PCK1: variants seen among roughly 807,000 people sequenced by gnomAD.
PCK1 encodes phosphoenolpyruvate carboxykinase, cytosolic [GTP].
Under a neutral mutation model 50.3 loss-of-function variants are expected in PCK1, and 44 were observed. The ratio of observed to expected loss-of-function variants is 0.87; its 90% CI spans 0.69 to 1.12. The LOEUF (loss-of-function observed/expected upper bound fraction) is 1.12, where lower values mean the gene tolerates loss of function less well. Ranked by LOEUF, PCK1 falls within the 50% of genes most tolerant of loss-of-function variation. The pLI is 0.00. For synonymous variants in PCK1, 332 were observed against 314.3 expected (o/e 1.06, Z -0.59); for missense variants, 790 against 815.0 (o/e 0.97, Z 0.37).
intron 6 of PCK1, 61 bp from the exon 7 acceptor site, chr20:57,564,106 TAA>T (rs1196008303): frequency 3.9e-6 from 4 of 1,030,704 alleles, no homozygotes; most frequent in South Asian, 2.9e-5. Context: ...CGGCAATATA[TAA>T]GAGTATATGT....
chr20:57,563,728 G>A lies in PCK1; in HGVS notation c.961+1G>A, dbSNP rs776767788. 17 of 1,606,838 alleles carry A rather than the reference G, an allele frequency of 1.1e-5. No homozygotes were observed. In the South Asian group the frequency reaches 1.1e-4, roughly 11 times the overall value. On this transcript the variant is annotated splice_donor_variant, in intron 6 of 9. Coordinates refer to ENST00000319441, the MANE Select transcript of PCK1 (RefSeq NM_002591.4). LOFTEE classifies it high-confidence loss of function. ...GCCTGGATGAAGTTTGACGCACAAG[G>A]TGACTCTTTTAGACCCAACTCTTGG...
In PCK1 at chr20:57,564,261, C is replaced by G; in HGVS notation, c.1054C>G (p.Gln352Glu). 2 of 1,614,116 alleles carry G rather than the reference C, an allele frequency of 1.2e-6. No homozygotes were observed. The highest frequency in any genetic ancestry group is 1.7e-6 in the Non-Finnish European group (2 of 1,179,994). ...CAACCCCAATGCCATCAAGACCATC[C>G]AGAAGAACACAATCTTTACCAATGT... ...KTNPNAIKTIQKNTIFTNVAE... is the reference protein window; with the variant it reads ...KTNPNAIKTIEKNTIFTNVAE... The change falls in exon 7 of 10, where the codon CAG becomes GAG. Residue 352 changes from glutamine to glutamate, a missense_variant. Transcript: ENST00000319441.
chr20:57,563,614 C>T lies in PCK1; in HGVS notation c.848C>T (p.Ala283Val), dbSNP rs754779680. The change falls in exon 6 of 10, where the codon GCA becomes GTA. Residue 283 changes from alanine to valine, a missense_variant. Ala to Val is a moderately conservative substitution (Grantham distance 64). Coordinates refer to ENST00000319441, the MANE Select transcript of PCK1 (RefSeq NM_002591.4). Reference protein sequence around the residue: ...PEGEKKYLAAAFPSACGKTNL... With the variant: ...PEGEKKYLAAVFPSACGKTNL... ...GGTGAGAAGAAGTACCTGGCGGCCG[C>T]ATTTCCCAGCGCCTGCGGGAAGACC... The T allele has an allele frequency of 1.2e-6, 2 of 1,612,740 alleles. No individual in the cohort carries two copies. Among genetic ancestry groups the T allele is most frequent in the Non-Finnish European group, 1.7e-6 (2 of 1,178,826 alleles).
In PCK1 at chr20:57,565,349, G is replaced by A; in HGVS notation, c.1415-1G>A. 6.2e-7 allele frequency: 1 copy of A among 1,612,870 alleles called. No individual in the cohort carries two copies. Among genetic ancestry groups the A allele is most frequent in the Non-Finnish European group, 8.5e-7 (1 of 1,178,886 alleles). ...TAATGAACTCCCTCTCTGTTTAACA[G>A]GCAAAATCATCATGCATGACCCCTT... On this transcript the variant is annotated splice_acceptor_variant, in intron 9 of 9. Transcript: ENST00000319441. LOFTEE classifies it high-confidence loss of function.
chr20:57,564,180 G>C lies in PCK1; in HGVS notation c.973G>C (p.Ala325Pro). The stretch of plus-strand genomic sequence containing the variant: ...TTAAAACTCTCCAGGTCATTTAAGG[G>C]CCATCAACCCAGAAAATGGCTTTTT... ...MKFDAQGHLRAINPENGFFGV... is the reference protein window; with the variant it reads ...MKFDAQGHLRPINPENGFFGV... Residue 325 changes from alanine (A) to proline (P), a missense_variant, in exon 7 of 10, where the codon GCC becomes CCC. Physicochemically the swap from Ala to Pro is conservative, Grantham distance 27. Transcript: ENST00000319441. 6.2e-7 allele frequency: 1 copy of C among 1,612,684 alleles called. No individual in the cohort carries two copies. Among genetic ancestry groups the C allele is most frequent in the Non-Finnish European group, 8.5e-7 (1 of 1,178,860 alleles).
chr20:57,565,035 T>G lies in PCK1; in HGVS notation c.1319-5T>G, dbSNP rs1568910175. The G allele has an allele frequency of 1.2e-6, 2 of 1,607,042 alleles. No homozygotes were observed. Among genetic ancestry groups the G allele is most frequent in the Non-Finnish European group, 1.7e-6 (2 of 1,174,148 alleles). Reference sequence around the variant, plus strand: ...GAACATTTCTCTTTTTTTTTCCTGCTAAAGGTGTCCCTCTAGTCTATGAAG... The same window carrying G: ...GAACATTTCTCTTTTTTTTTCCTGCGAAAGGTGTCCCTCTAGTCTATGAAG... On this transcript the variant is annotated splice_region_variant and splice_polypyrimidine_tract_variant and intron_variant, in intron 8 of 9. Coordinates refer to ENST00000319441, the MANE Select transcript of PCK1 (RefSeq NM_002591.4).
At position 57,562,789 on chromosome 20, in the gene PCK1, T is replaced by A; in HGVS notation, c.500T>A (p.Val167Glu). ...GIELTDSPYVVASMRIMTRMG... is the reference protein window; with the variant it reads ...GIELTDSPYVEASMRIMTRMG... ...GAGCTGACGGATTCACCCTACGTGGTGGCCAGCATGCGGATCATGACGCGG... is the reference window on the plus strand; with the variant it reads ...GAGCTGACGGATTCACCCTACGTGGAGGCCAGCATGCGGATCATGACGCGG... The change falls in exon 4 of 10, where the codon GTG (valine) becomes GAG (glutamate). Residue 167 changes from valine to glutamate, a missense_variant. Val to Glu is a moderately radical substitution (Grantham distance 121, BLOSUM62 -2). Transcript: ENST00000319441. 1 of 1,614,074 alleles carries A rather than the reference T, an allele frequency of 6.2e-7. No homozygotes were observed. Among genetic ancestry groups the A allele is most frequent in the Admixed American group, 1.7e-5 (1 of 60,034 alleles).
In PCK1 at chr20:57,561,576, G is replaced by C; in HGVS notation, c.165G>C (p.Arg55=). The C allele has an allele frequency of 6.2e-7, 1 of 1,613,978 alleles. No homozygotes were observed. Among genetic ancestry groups the C allele is most frequent in the Non-Finnish European group, 8.5e-7 (1 of 1,180,012 alleles). ...ACGGCTCTGAGGAGGAGAATGGGCG[G>C]CTTCTGGGCCAGATGGAGGAAGAGG... The part of the protein sequence containing the change: ...ICDGSEEENG[R]LLGQMEEEGI... The change falls in exon 2 of 10, where the codon CGG becomes CGC. Residue 55 remains arginine (R), a synonymous_variant. Coordinates refer to ENST00000319441, the MANE Select transcript of PCK1 (RefSeq NM_002591.4).
rs1358993432 is a variant in PCK1 at position 57,566,482 on chromosome 20, T to G, written c.*678T>G. 1 of 152,230 alleles carries G rather than the reference T, an allele frequency of 6.6e-6. No homozygotes were observed. The highest frequency in any genetic ancestry group is 1.5e-5 in the Non-Finnish European group (1 of 68,046). The allele number at this position is 152,230 out of a possible 1,614,324, so 9.4% of individuals were successfully genotyped here. A position where few individuals can be genotyped will look rare whatever the true frequency, so the allele number is the denominator to read the frequency against. ...ATGGATTTGCTTTGCTTGGTTTTTCTTATTTGAGCTACCAAGAGGAGAGAA... is the reference window on the plus strand; with the variant it reads ...ATGGATTTGCTTTGCTTGGTTTTTCGTATTTGAGCTACCAAGAGGAGAGAA... On this transcript the variant is annotated 3_prime_UTR_variant, in exon 10 of 10. Transcript: ENST00000319441.
rs772452343 is a variant in PCK1, at chr20:57,563,647, C to T, written c.881C>T (p.Ala294Val). 1 of 1,613,122 alleles carries T rather than the reference C, an allele frequency of 6.2e-7. No homozygotes were observed. Among genetic ancestry groups the T allele is most frequent in the Non-Finnish European group, 8.5e-7 (1 of 1,179,156 alleles). ...AGCGCCTGCGGGAAGACCAACCTGGCCATGATGAACCCCAGCCTCCCCGGG... is the reference window on the plus strand; with the variant it reads ...AGCGCCTGCGGGAAGACCAACCTGGTCATGATGAACCCCAGCCTCCCCGGG... The part of the protein sequence containing the change: ...FPSACGKTNL[A>V]MMNPSLPGWK... The change falls in exon 6 of 10, where the codon GCC (alanine) becomes GTC (valine). Residue 294 changes from alanine (A) to valine (V), a missense_variant. Coordinates refer to ENST00000319441, the MANE Select transcript of PCK1 (RefSeq NM_002591.4).
At chr20:57,561,291 A>T in intron 1 of PCK1, 81 bp from the exon 2 acceptor site, 1 of 673,594 alleles carries the variant, frequency 1.5e-6, no homozygotes, top group Non-Finnish European at 2.6e-6. Context: ...GGCAATGCAC[A>T]GCCCTGGCAA....
chr20:57,564,780 C>T (rs2070187361), intron 8 of PCK1, 167 bp downstream of exon 8: 1 of 668,082 alleles, frequency 1.5e-6, no homozygotes, highest in Non-Finnish European at 2.5e-6. Context: ...AATGTAGAAC[C>T]AACCCTTCTG....
chr20:57,563,241 G>T, intron 5 of PCK1, 26 bp downstream of exon 5: 1 of 1,604,478 alleles, frequency 6.2e-7, no homozygotes, highest in Non-Finnish European at 8.5e-7. Context: ...GCCCTGATGT[G>T]CAGATGAGAG....
rs45603039 is a variant in PCK1 at position 57,563,688 on chromosome 20, G to A, written c.922G>A (p.Val308Ile). The change falls in exon 6 of 10, where the codon GTC (valine) becomes ATC (isoleucine). Residue 308 changes from valine to isoleucine, a missense_variant. Val to Ile is a conservative substitution (Grantham distance 29). Coordinates refer to ENST00000319441, the MANE Select transcript of PCK1 (RefSeq NM_002591.4). ...CCTCCCCGGGTGGAAGGTTGAGTGC[G>A]TCGGGGATGACATTGCCTGGATGAA... is the stretch of plus-strand genomic sequence containing the variant. ...PSLPGWKVEC[V>I]GDDIAWMKFD... 193 of 1,613,346 alleles carry A rather than the reference G, an allele frequency of 1.2e-4. No individual in the cohort carries two copies. The highest frequency in any genetic ancestry group is 3.7e-4 in the Admixed American group (22 of 59,836).
At chr20:57,565,237 A>T in intron 9 of PCK1, 102 bp downstream of exon 9, 1 of 1,275,658 alleles carries the variant, frequency 7.8e-7, no homozygotes, top group Non-Finnish European at 1.1e-6. Flanking sequence ...GTGGGGAGAG[A>T]GAGAGAGAGA....
rs1269656029 is a variant in PCK1, at chr20:57,566,618, G to A, written c.*814G>A. On this transcript the variant is annotated 3_prime_UTR_variant, in exon 10 of 10. Transcript: ENST00000319441. ...ATTGCCTGGTCCCAGGGAGAAGGAG[G>A]GAGCAGATGGGGAGGAATGAGGCAG... 1 of 152,184 alleles carries A rather than the reference G, an allele frequency of 6.6e-6. No homozygotes were observed. The highest frequency in any genetic ancestry group is 1.5e-5 in the Non-Finnish European group (1 of 68,048). 9.4% of individuals were successfully genotyped at this position (152,184 alleles called of 1,614,324 possible). A position where few individuals can be genotyped will look rare whatever the true frequency, so the allele number is the denominator to read the frequency against.
chr20:57,564,032 A>G, intron 6 of PCK1, 137 bp from the exon 7 acceptor site: 1 of 662,186 alleles, frequency 1.5e-6, no homozygotes, highest in South Asian at 2.0e-5. Flanking sequence ...GCTTGGATGA[A>G]AAGAGATAAA....
Position 57,563,638 on chromosome 20 carries a change from C to A in PCK1, c.872C>A (p.Thr291Asn), listed in dbSNP as rs2146528843. The A allele has an allele frequency of 6.2e-7, 1 of 1,612,968 alleles. No homozygotes were observed. Among genetic ancestry groups the A allele is most frequent in the Non-Finnish European group, 8.5e-7 (1 of 1,178,988 alleles). The change falls in exon 6 of 10, where the codon ACC (threonine) becomes AAC (asparagine). Residue 291 changes from threonine to asparagine, a missense_variant. Coordinates refer to ENST00000319441, the MANE Select transcript of PCK1 (RefSeq NM_002591.4). ...AAAFPSACGK[T>N]NLAMMNPSLP... The stretch of plus-strand genomic sequence containing the variant: ...GCATTTCCCAGCGCCTGCGGGAAGA[C>A]CAACCTGGCCATGATGAACCCCAGC...
Position 57,561,203 on chromosome 20 carries a change from G to C in PCK1, c.-41G>C. On this transcript the variant is annotated splice_region_variant and 5_prime_UTR_variant, in exon 1 of 10. Transcript: ENST00000319441. ...TTCGAGATCATCCAAAGAGAAGAAA[G>C]GTAAGTAGAGCTTTGCATTTACATT... 2.0e-6 allele frequency: 1 copy of C among 495,578 alleles called. No homozygotes were observed. Among genetic ancestry groups the C allele is most frequent in the Middle Eastern group, 5.1e-4 (1 of 1,942 alleles). The allele number at this position is 495,578 out of a possible 1,614,324, so 30.7% of individuals were successfully genotyped here.
Sources: gnomAD v4.1 joint callset for allele counts on GRCh38, gnomAD v4.1.1 for gene constraint, MANE v1.5 for transcripts, NCBI Gene and HGNC (gene_info 2026-07-23, HGNC 2026-07-21) for gene names.